NEGR1: variants seen among roughly 807,000 people sequenced by gnomAD.
NEGR1 encodes neuronal growth regulator 1, also known as IgLON family member 4.
NEGR1 carries 10 observed loss-of-function variants against 40.9 expected under a neutral mutation model. The observed-to-expected ratio is 0.24, with a 90% confidence interval of 0.15 to 0.42. NEGR1 has a LOEUF of 0.42. NEGR1 is among the 10% of genes least tolerant of loss of function. The pLI, the probability that NEGR1 is intolerant of heterozygous loss-of-function variation, is 1.00. For synonymous variants in NEGR1, 185 were observed against 166.8 expected (o/e 1.11, Z -0.84); for missense variants, 352 against 438.9 (o/e 0.80, Z 1.77).
At chr1:72,187,289 TC>T (rs1291606319) in intron 1 of NEGR1, among the ~76,000 whole-genome samples, 3 of 151,594 alleles carry the variant, frequency 2.0e-5, no homozygotes, top group African/African-American at 4.8e-5. Flanking sequence ...CATATTTTTT[TC>T]GCCACATTTC....
chr1:71,955,522 G>T (rs1470722844), intron 1 of NEGR1, among the ~76,000 whole-genome samples: 1 of 152,080 alleles, frequency 6.6e-6, no homozygotes, highest in African/African-American at 2.4e-5. Context: ...AAGAAATAGT[G>T]CAGTGCATCT....
At chr1:71,641,225 T>C (rs1210993065) in intron 4 of NEGR1, among the ~76,000 whole-genome samples, 1 of 152,208 alleles carries the variant, frequency 6.6e-6, no homozygotes, top group Non-Finnish European at 1.5e-5. Context: ...ATCAGCTTTA[T>C]AGACAGCCTA....
At position 72,282,308 on chromosome 1, in the gene NEGR1, G is replaced by T. The variant is rs186841543; in HGVS notation, c.176+11C>A. 1 of 1,613,128 alleles carries T rather than the reference G, an allele frequency of 6.2e-7. No individual in the cohort carries two copies. The highest frequency in any genetic ancestry group is 2.2e-5 in the East Asian group (1 of 44,836). ...CCGAAACAAGTACGAAAAGCACGCC[G>T]TTCTTCCTACCTAAGCACCGCCGTG... On this transcript the variant is annotated intron_variant, in intron 1 of 6. Coordinates refer to ENST00000357731, the MANE Select transcript of NEGR1 (RefSeq NM_173808.3).
chr1:71,583,871 T>C (rs1374589402), intron 6 of NEGR1, among the ~76,000 whole-genome samples: 8 of 152,334 alleles, frequency 5.3e-5, no homozygotes, highest in East Asian at 1.9e-4. Flanking sequence ...GCTCCACATA[T>C]GCACTAATTG....
chr1:71,808,236 A>G (rs1169698805), intron 2 of NEGR1, among the ~76,000 whole-genome samples: 4 of 152,180 alleles, frequency 2.6e-5, no homozygotes, highest in Admixed American at 1.3e-4. Context: ...ATCAAAAGAA[A>G]TAAATGTTTC....
intron 3 of NEGR1, among the ~76,000 whole-genome samples, chr1:71,726,369 G>T (rs1203645735): frequency 6.6e-6 from 1 of 152,050 alleles, no homozygotes; most frequent in Non-Finnish European, 1.5e-5. Flanking sequence ...CATGATAACT[G>T]CATTAAGCAT....
chr1:71,729,533 A>G (rs1032124686), intron 3 of NEGR1, among the ~76,000 whole-genome samples: 2 of 152,170 alleles, frequency 1.3e-5, no homozygotes, highest in Non-Finnish European at 2.9e-5. Context: ...CTTTTAATAA[A>G]TACCTGTTGA....
intron 6 of NEGR1, among the ~76,000 whole-genome samples, chr1:71,462,708 T>G (rs964409056): frequency 6.6e-6 from 1 of 152,250 alleles, no homozygotes; most frequent in Admixed American, 6.5e-5. Context: ...AAATAATCTT[T>G]TAGATGCAGC....
intron 4 of NEGR1, 199 bp downstream of exon 4, chr1:71,697,809 T>C (rs1035234161): frequency 1.1e-5 from 6 of 561,984 alleles, no homozygotes; most frequent in Admixed American, 3.2e-5. Context: ...GACTGAATTA[T>C]TGTGGGTTTA....
In NEGR1 at chr1:71,611,058, A is replaced by G; in HGVS notation, c.756T>C (p.Pro252=). Residue 252 remains proline (P), a synonymous_variant, in exon 5 of 7, where the codon CCT becomes CCC. Transcript: ENST00000357731. ...CTCCTTTGTACCATTCAAAGGCTGG[A>G]GGCGGCACACCTGCACCTTCACATC... is the stretch of plus-strand genomic sequence containing the variant. ...LIRCEGAGVP[P]PAFEWYKGEK... The G allele has an allele frequency of 6.2e-7, 1 of 1,614,040 alleles. No homozygotes were observed. Among genetic ancestry groups the G allele is most frequent in the Non-Finnish European group, 8.5e-7 (1 of 1,179,926 alleles).
chr1:72,043,390 C>A (rs893879537), intron 1 of NEGR1, among the ~76,000 whole-genome samples: 1 of 151,644 alleles, frequency 6.6e-6, no homozygotes, highest in Admixed American at 6.6e-5. Flanking sequence ...ACCCACTCTG[C>A]AGTACATACC....
intron 4 of NEGR1, among the ~76,000 whole-genome samples, chr1:71,684,468 G>A (rs1420981046): frequency 2.6e-5 from 4 of 152,088 alleles, no homozygotes; most frequent in Admixed American, 6.6e-5. Flanking sequence ...ACTAACGTAT[G>A]TTTGTGTGTA....
At chr1:72,191,561 T>C (rs569452155) in intron 1 of NEGR1, among the ~76,000 whole-genome samples, 28 of 151,990 alleles carry the variant, frequency 1.8e-4, no homozygotes, top group Admixed American at 1.7e-3. Context: ...TAAACATCCA[T>C]AGGGTATGTG....
chr1:71,938,892 A>G (rs1570530501), intron 1 of NEGR1, among the ~76,000 whole-genome samples: 1 of 152,254 alleles, frequency 6.6e-6, no homozygotes, highest in East Asian at 1.9e-4. Context: ...CCTTGTAGCC[A>G]GGTCCATTCT....
intron 6 of NEGR1, among the ~76,000 whole-genome samples, chr1:71,428,931 C>A (rs1349012006): frequency 6.6e-6 from 1 of 151,968 alleles, no homozygotes; most frequent in Non-Finnish European, 1.5e-5. Flanking sequence ...TTAAAACTCC[C>A]TTTGGATTTT....
chr1:72,145,903 C>G (rs545895081), intron 1 of NEGR1, among the ~76,000 whole-genome samples: 1 of 152,236 alleles, frequency 6.6e-6, no homozygotes, highest in South Asian at 2.1e-4. Context: ...AGAACTCCAT[C>G]TGCTGTGACC....
At chr1:71,697,254 C>G (rs140291982) in intron 4 of NEGR1, among the ~76,000 whole-genome samples, 8 of 151,712 alleles carry the variant, frequency 5.3e-5, no homozygotes, top group Non-Finnish European at 1.2e-4. Flanking sequence ...GGGTAAAATA[C>G]AATTATCCCA....
intron 1 of NEGR1, among the ~76,000 whole-genome samples, chr1:72,280,599 T>C (rs908930714): frequency 3.3e-5 from 5 of 152,214 alleles, no homozygotes; most frequent in African/African-American, 1.2e-4. Flanking sequence ...GAAAAGTTTT[T>C]TTTTACTGTG....
chr1:71,616,206 A>T (rs1319700440), intron 4 of NEGR1, among the ~76,000 whole-genome samples: 3 of 152,202 alleles, frequency 2.0e-5, no homozygotes, highest in African/African-American at 7.2e-5. Context: ...CCCGGGCCAC[A>T]CAGCTGGAGG....
Sources: allele counts gnomAD v4.1 joint callset (sites outside exome capture counted in the v4.1 genomes callset), GRCh38; gene constraint gnomAD v4.1.1; transcripts MANE v1.5; gene names NCBI Gene and HGNC (gene_info 2026-07-23, HGNC 2026-07-21).